The following ARHGAP24 variants were observed in gnomAD, a reference collection of about 807,000 sequenced individuals.
ARHGAP24 encodes the protein Rho GTPase activating protein 24.
ARHGAP24 carries 50 observed loss-of-function variants against 76.4 expected under a neutral mutation model. The observed-to-expected ratio is 0.65, with a 90% CI of 0.52 to 0.83. The LOEUF is 0.83. Among genes scored for constraint, ARHGAP24 ranks in the 40% least tolerant of loss-of-function variants. ARHGAP24 has a pLI of 0.00. For missense variants in ARHGAP24, 930 were observed against 914.2 expected (o/e 1.02, Z -0.22); for synonymous variants, 345 against 323.3 (o/e 1.07, Z -0.72).
chr4:85,817,262 T>G (rs1341632227), intron 3 of ARHGAP24, among the ~76,000 whole-genome samples: 1 of 152,224 alleles, frequency 6.6e-6, no homozygotes, highest in Non-Finnish European at 1.5e-5. Context: ...CTTTTTAGTT[T>G]GATATAATTC....
At chr4:85,672,255 T>C (rs768444774) in intron 2 of ARHGAP24, among the ~76,000 whole-genome samples, 3 of 152,170 alleles carry the variant, frequency 2.0e-5, no homozygotes, top group Non-Finnish European at 2.9e-5. Context: ...AATTAAGCCA[T>C]GTTGTGGCCA....
At chr4:85,609,879 G>A (rs1397559057) in intron 2 of ARHGAP24, among the ~76,000 whole-genome samples, 1 of 152,106 alleles carries the variant, frequency 6.6e-6, no homozygotes, top group Non-Finnish European at 1.5e-5. Context: ...AATATATGAT[G>A]AAATACTTTG....
At chr4:85,981,978 A>G (rs976604552) in intron 8 of ARHGAP24, among the ~76,000 whole-genome samples, 2 of 151,876 alleles carry the variant, frequency 1.3e-5, no homozygotes, top group African/African-American at 2.4e-5. Context: ...CCTTCCCTCT[A>G]CAGAGACACT....
chr4:85,897,249 C>T (rs908481203), intron 3 of ARHGAP24, among the ~76,000 whole-genome samples: 7 of 152,100 alleles, frequency 4.6e-5, no homozygotes, highest in African/African-American at 1.7e-4. Flanking sequence ...CAAGCAGAAG[C>T]ACCAACCACC....
intron 8 of ARHGAP24, among the ~76,000 whole-genome samples, chr4:85,994,185 C>G (rs1345604814): frequency 2.0e-5 from 3 of 152,106 alleles, no homozygotes; most frequent in Non-Finnish European, 4.4e-5. Flanking sequence ...AAATATTTCT[C>G]AGAATTAAAT....
intron 3 of ARHGAP24, among the ~76,000 whole-genome samples, chr4:85,726,300 ATC>A (rs1173457956): frequency 2.0e-5 from 3 of 152,110 alleles, no homozygotes; most frequent in Non-Finnish European, 4.4e-5. Flanking sequence ...ATTTACATCT[ATC>A]TATAATCTTA....
chr4:85,770,233 G>C (rs1578211525), intron 3 of ARHGAP24, among the ~76,000 whole-genome samples: 1 of 152,238 alleles, frequency 6.6e-6, no homozygotes, highest in Middle Eastern at 3.4e-3. Flanking sequence ...GACAGTGTAG[G>C]GGAATTACAC....
intron 3 of ARHGAP24, among the ~76,000 whole-genome samples, chr4:85,763,755 T>C (rs542072066): frequency 1.3e-5 from 2 of 152,280 alleles, no homozygotes; most frequent in Admixed American, 1.3e-4. Context: ...ACTGAAATAA[T>C]AATGATGGAG....
At chr4:85,818,363 G>C (rs867003242) in intron 3 of ARHGAP24, among the ~76,000 whole-genome samples, 1 of 151,990 alleles carries the variant, frequency 6.6e-6, no homozygotes, top group Non-Finnish European at 1.5e-5. Context: ...ACTTAAAATC[G>C]TCTCTCCAGC....
At position 85,995,400 on chromosome 4, in the gene ARHGAP24, C is replaced by G; in HGVS notation, c.1746C>G (p.Asp582Glu). The G allele has an allele frequency of 2.5e-6, 4 of 1,613,098 alleles. No homozygotes were observed. The South Asian group carries it at 3.3e-5, about 13-fold the overall frequency. ...RSSTTTCPEQ[D>E]FFGGNFEDPV... ...CTACCACCACCTGCCCAGAGCAAGA[C>G]TTTTTTGGGGGGAACTTTGAGGACC... The change falls in exon 9 of 10, where the codon GAC (aspartate) becomes GAG (glutamate). Residue 582 changes from aspartate to glutamate, a missense_variant. Physicochemically the swap from Asp to Glu is conservative, Grantham distance 45 (BLOSUM62 2). Coordinates refer to ENST00000395184, the MANE Select transcript of ARHGAP24 (RefSeq NM_001025616.3).
chr4:85,505,216 G>A lies in ARHGAP24; in HGVS notation c.-21+29657G>A, dbSNP rs186862484. Among the ~76,000 whole-genome samples the A allele has an allele frequency of 6.6e-3, 997 of 152,142 alleles. 5 individuals are homozygous for A. The highest frequency in any genetic ancestry group is 0.013 in the Admixed American group (201 of 15,280). ...TATGTGTCTTAGGGTTGCTCTTCTC[G>A]AGGAGTATCTTTGTGGTGTTCTCTG... On this transcript the variant is annotated intron_variant, in intron 1 of 9. Coordinates refer to ENST00000395184, the MANE Select transcript of ARHGAP24 (RefSeq NM_001025616.3).
chr4:85,716,584 C>A (rs974750210), intron 2 of ARHGAP24, among the ~76,000 whole-genome samples: 2 of 152,068 alleles, frequency 1.3e-5, no homozygotes, highest in Non-Finnish European at 1.5e-5. Flanking sequence ...GCATACTGAA[C>A]ATCAAGGGAT....
chr4:85,674,620 T>C (rs1722912563), intron 2 of ARHGAP24, among the ~76,000 whole-genome samples: 1 of 152,196 alleles, frequency 6.6e-6, no homozygotes, highest in Non-Finnish European at 1.5e-5. Flanking sequence ...TAGAACTCAG[T>C]CATTTTAACT....
intron 2 of ARHGAP24, among the ~76,000 whole-genome samples, chr4:85,595,429 T>A (rs1719773215): frequency 1.3e-5 from 2 of 152,102 alleles, no homozygotes; most frequent in Non-Finnish European, 2.9e-5. Context: ...AGTGGCAAAC[T>A]TCCTTTAAAG....
At chr4:85,501,750 C>T (rs981478967) in intron 1 of ARHGAP24, among the ~76,000 whole-genome samples, 1 of 152,092 alleles carries the variant, frequency 6.6e-6, no homozygotes, top group Non-Finnish European at 1.5e-5. Context: ...TCTATTTTGG[C>T]TTTTGTCACT....
intron 2 of ARHGAP24, among the ~76,000 whole-genome samples, chr4:85,706,806 C>T (rs1258134381): frequency 6.6e-6 from 1 of 152,060 alleles, no homozygotes; most frequent in African/African-American, 2.4e-5. Flanking sequence ...CCTCGTGATC[C>T]GCCCGCCTCG....
chr4:85,827,042 G>A lies in ARHGAP24; in HGVS notation c.269-96606G>A, dbSNP rs545059304. 9.2e-5 allele frequency among the ~76,000 whole-genome samples: 14 copies of A among 152,214 alleles called. 1 individual carries two copies. Among genetic ancestry groups the A allele is most frequent in the African/African-American group, 2.2e-4 (9 of 41,544 alleles). The stretch of plus-strand genomic sequence containing the variant: ...TCTACAGGGAAATATTTATTAACAC[G>A]TTTGTATCTATTTATAATATATACA... On this transcript the variant is annotated intron_variant, in intron 3 of 9. Transcript: ENST00000395184.
At chr4:85,961,223 T>A (rs796896445) in intron 5 of ARHGAP24, among the ~76,000 whole-genome samples, 7 of 152,252 alleles carry the variant, frequency 4.6e-5, no homozygotes, top group African/African-American at 1.7e-4. Context: ...AATTTATACA[T>A]ACATATTAAT....
intron 3 of ARHGAP24, among the ~76,000 whole-genome samples, chr4:85,768,143 A>G (rs955607892): frequency 3.3e-5 from 5 of 152,214 alleles, no homozygotes; most frequent in African/African-American, 1.2e-4. Flanking sequence ...TTATAGCAAA[A>G]TGTTAGCAAT....
Sources: gnomAD v4.1 joint callset for allele counts (sites outside exome capture counted in the v4.1 genomes callset) on GRCh38, gnomAD v4.1.1 for gene constraint, MANE v1.5 for transcripts, NCBI Gene and HGNC (gene_info 2026-07-23, HGNC 2026-07-21) for gene names.